The following LARS2 variants were observed in gnomAD, a reference collection of about 807,000 sequenced individuals.
LARS2 encodes the protein leucine--tRNA ligase, mitochondrial.
LARS2 carries 81 observed loss-of-function variants against 116.6 expected under a neutral mutation model. That is an observed-to-expected ratio of 0.69 (90% CI 0.58 to 0.84). LARS2 has a LOEUF of 0.84. Ranked by LOEUF, LARS2 falls within the 40% of genes least tolerant of loss-of-function variation. The pLI, the probability that LARS2 is intolerant of heterozygous loss-of-function variation, is 0.00. For missense variants in LARS2, 968 were observed against 1,114.5 expected, an observed-to-expected ratio of 0.87 and a Z score of 1.87; for synonymous variants, 396 against 407.2, an observed-to-expected ratio of 0.97 and a Z score of 0.33.
intron 6 of LARS2, among the ~76,000 whole-genome samples, chr3:45,434,890 A>G (rs1479112611): frequency 3.3e-5 from 5 of 152,142 alleles, no homozygotes; most frequent in Admixed American, 3.3e-4. Context: ...CACCAGTATC[A>G]CCCTGACTGT....
At chr3:45,429,595 A>G (rs1320445988) in intron 6 of LARS2, among the ~76,000 whole-genome samples, 1 of 151,980 alleles carries the variant, frequency 6.6e-6, no homozygotes, top group Non-Finnish European at 1.5e-5. Flanking sequence ...TTTTAATTAC[A>G]TCTGCAAAAT....
chr3:45,545,079 A>G (rs941076856), intron 21 of LARS2, among the ~76,000 whole-genome samples: 1 of 152,162 alleles, frequency 6.6e-6, no homozygotes. Context: ...CCTGGGGTGG[A>G]GCCTAGGTGG....
At chr3:45,397,847 G>A (rs1405367672) in intron 3 of LARS2, among the ~76,000 whole-genome samples, 2 of 152,160 alleles carry the variant, frequency 1.3e-5, no homozygotes, top group Non-Finnish European at 2.9e-5. Flanking sequence ...CTCCTTGGAC[G>A]ACTTGCTCAT....
At chr3:45,495,760 G>GA (rs1325536040) in intron 13 of LARS2, among the ~76,000 whole-genome samples, 7 of 152,082 alleles carry the variant, frequency 4.6e-5, no homozygotes, top group South Asian at 2.1e-4. Context: ...TTTAATTGTT[G>GA]AAAATTGAAA....
rs1427282398 is a variant in LARS2, at chr3:45,496,309, A to T, written c.1558A>T (p.Met520Leu). 1.9e-6 allele frequency: 3 copies of T among 1,613,990 alleles called. No individual in the cohort carries two copies. Among genetic ancestry groups the T allele is most frequent in the South Asian group, 2.2e-5 (2 of 91,084 alleles). Reference sequence around the variant, plus strand: ...AGCAGCCAAGAGAGAGACAGACACGATGGATACCTTTGTTGATTCTGCTTG... The same window carrying T: ...AGCAGCCAAGAGAGAGACAGACACGTTGGATACCTTTGTTGATTCTGCTTG... ...KGAAKRETDT[M>L]DTFVDSAWYY... is the part of the protein sequence containing the mutation. Residue 520 changes from methionine to leucine, a missense_variant, in exon 14 of 22, where the codon ATG (methionine) becomes TTG (leucine). Transcript: ENST00000645846.
At chr3:45,411,893 C>A (rs1225822863) in intron 4 of LARS2, among the ~76,000 whole-genome samples, 7 of 152,126 alleles carry the variant, frequency 4.6e-5, no homozygotes, top group Non-Finnish European at 1.0e-4. Context: ...CCCTTTGTGT[C>A]TGTGTGTTCT....
At chr3:45,456,858 A>G (rs575049485) in intron 7 of LARS2, among the ~76,000 whole-genome samples, 1 of 152,324 alleles carries the variant, frequency 6.6e-6, no homozygotes, top group South Asian at 2.1e-4. Flanking sequence ...ATCGCAGCCC[A>G]CAAATTACAA....
intron 6 of LARS2, among the ~76,000 whole-genome samples, chr3:45,441,191 C>T (rs1698903447): frequency 1.3e-5 from 2 of 151,912 alleles, no homozygotes; most frequent in African/African-American, 4.8e-5. Context: ...CGCCTGGCTA[C>T]TTTTTGTATT....
At chr3:45,515,858 T>C (rs944075371) in intron 16 of LARS2, among the ~76,000 whole-genome samples, 3 of 152,268 alleles carry the variant, frequency 2.0e-5, no homozygotes, top group African/African-American at 7.2e-5. Flanking sequence ...CAGGCCATTA[T>C]AACTGTCCTG....
chr3:45,430,105 G>GGGAATACA (rs1282325998), intron 6 of LARS2, among the ~76,000 whole-genome samples: 2 of 131,322 alleles, frequency 1.5e-5, no homozygotes, highest in Admixed American at 9.4e-5. Context: ...TTGGCCTCCT[G>GGGAATACA]GGACTACAGG....
chr3:45,476,725 C>A (rs962795056), intron 10 of LARS2, 98 bp downstream of exon 10: 3 of 1,255,750 alleles, frequency 2.4e-6, no homozygotes, highest in East Asian at 4.7e-5. Flanking sequence ...TGTCATCTTG[C>A]GTGGGTTGTT....
intron 6 of LARS2, among the ~76,000 whole-genome samples, chr3:45,423,448 G>A (rs1485988352): frequency 6.6e-6 from 1 of 152,138 alleles, no homozygotes; most frequent in African/African-American, 2.4e-5. Context: ...CAGTAGCTGG[G>A]ATTACAGGCA....
intron 19 of LARS2, among the ~76,000 whole-genome samples, chr3:45,523,726 G>A (rs1337081202): frequency 2.0e-5 from 3 of 151,616 alleles, no homozygotes; most frequent in East Asian, 3.9e-4. Flanking sequence ...TCATAGAGAT[G>A]AGGTCTCACT....
chr3:45,455,136 T>G (rs1372357641), intron 7 of LARS2, among the ~76,000 whole-genome samples: 1 of 152,030 alleles, frequency 6.6e-6, no homozygotes, highest in Non-Finnish European at 1.5e-5. Context: ...TTTTTTTTTT[T>G]TTTGTCTTTC....
At chr3:45,476,962 A>G (rs1466942832) in intron 10 of LARS2, among the ~76,000 whole-genome samples, 1 of 152,180 alleles carries the variant, frequency 6.6e-6, no homozygotes, top group Non-Finnish European at 1.5e-5. Context: ...TAGGAATAGA[A>G]TCTTCTCATA....
intron 13 of LARS2, among the ~76,000 whole-genome samples, chr3:45,492,435 T>G (rs987231861): frequency 2.0e-5 from 3 of 152,264 alleles, no homozygotes; most frequent in Admixed American, 2.0e-4. Flanking sequence ...AGTATTTTCC[T>G]TCTTCTGCGG....
chr3:45,463,527 A>T (rs988171993), intron 8 of LARS2, among the ~76,000 whole-genome samples: 1 of 152,034 alleles, frequency 6.6e-6, no homozygotes, highest in African/African-American at 2.4e-5. Context: ...TAATCTTTTG[A>T]GGGTAGGTAC....
chr3:45,393,176 A>G (rs1356995416), intron 2 of LARS2, among the ~76,000 whole-genome samples: 2 of 152,246 alleles, frequency 1.3e-5, no homozygotes, highest in African/African-American at 2.4e-5. Context: ...ATTTCAAAAA[A>G]TAGCACTCAC....
chr3:45,427,139 C>T (rs916368772), intron 6 of LARS2, among the ~76,000 whole-genome samples: 2 of 152,146 alleles, frequency 1.3e-5, no homozygotes, highest in African/African-American at 2.4e-5. Context: ...AATCAGGCCT[C>T]CAGATCAGTC....
Sources: allele counts gnomAD v4.1 joint callset (sites outside exome capture counted in the v4.1 genomes callset), GRCh38; gene constraint gnomAD v4.1.1; transcripts MANE v1.5; gene names NCBI Gene and HGNC (gene_info 2026-07-23, HGNC 2026-07-21).